Variants in CSMD1 observed in about 807,000 individuals in gnomAD.
The protein encoded by CSMD1 is CUB and Sushi multiple domains 1, also known as CUB and sushi domain-containing protein 1.
Under a neutral mutation model 417.5 loss-of-function variants are expected in CSMD1, and 213 were observed. That is an observed-to-expected ratio of 0.51 (90% CI 0.46 to 0.57). The LOEUF (loss-of-function observed/expected upper bound fraction) is 0.57, where lower values mean the gene tolerates loss of function less well. CSMD1 is among the 20% of genes least tolerant of loss of function. CSMD1 has a pLI of 0.00. For synonymous variants in CSMD1, 2,862 were observed against 1,736.8 expected, an observed-to-expected ratio of 1.65 and a Z score of -16.11; for missense variants, 6,923 against 4,529.7, an observed-to-expected ratio of 1.53 and a Z score of -15.17.
intron 3 of CSMD1, among the ~76,000 whole-genome samples, chr8:4,131,718 G>A (rs935178570): frequency 1.4e-5 from 2 of 147,828 alleles, no homozygotes; most frequent in Non-Finnish European, 3.0e-5. Context: ...TCAGAACAAT[G>A]CAGTTGTTAT....
intron 5 of CSMD1, among the ~76,000 whole-genome samples, chr8:3,878,678 G>C (rs1174807337): frequency 2.6e-5 from 4 of 152,134 alleles, no homozygotes; most frequent in Admixed American, 6.6e-5. Context: ...TATTCAACTA[G>C]TCTGAGTTGC....
chr8:3,653,382 C>A (rs754177438), intron 7 of CSMD1, among the ~76,000 whole-genome samples: 2 of 152,144 alleles, frequency 1.3e-5, no homozygotes, highest in Non-Finnish European at 2.9e-5. Flanking sequence ...GATCTCGGCT[C>A]ATTGCAACCT....
chr8:4,223,397 G>C (rs1441179656), intron 3 of CSMD1, among the ~76,000 whole-genome samples: 1 of 152,226 alleles, frequency 6.6e-6, no homozygotes, highest in Non-Finnish European at 1.5e-5. Context: ...TGCCGCCAAG[G>C]TAAGCAGGAA....
intron 1 of CSMD1, among the ~76,000 whole-genome samples, chr8:4,916,600 G>T (rs918609629): frequency 6.6e-6 from 1 of 152,202 alleles, no homozygotes; most frequent in Non-Finnish European, 1.5e-5. Context: ...GAAAATATCA[G>T]ATCATCCTAC....
At chr8:4,304,025 C>G (rs565158504) in intron 3 of CSMD1, among the ~76,000 whole-genome samples, 73 of 152,208 alleles carry the variant, frequency 4.8e-4, no homozygotes, top group African/African-American at 1.7e-3. Flanking sequence ...ATAAAAGAAC[C>G]AAGAAAGCAG....
intron 20 of CSMD1, among the ~76,000 whole-genome samples, chr8:3,366,262 A>G (rs1809560927): frequency 1.3e-5 from 2 of 152,140 alleles, no homozygotes; most frequent in South Asian, 4.1e-4. Context: ...GCATGCTGGA[A>G]ATGAAGACAC....
chr8:4,363,771 T>G (rs908718697), intron 3 of CSMD1, among the ~76,000 whole-genome samples: 5 of 152,214 alleles, frequency 3.3e-5, no homozygotes, highest in South Asian at 2.1e-4. Flanking sequence ...GGCTGAATAG[T>G]ACTCCACTAT....
intron 5 of CSMD1, among the ~76,000 whole-genome samples, chr8:3,955,372 T>C (rs1039231086): frequency 3.1e-4 from 47 of 152,166 alleles, no homozygotes; most frequent in African/African-American, 1.0e-3. Context: ...CTCATCTTAC[T>C]GGTTCAGAGA....
At chr8:4,041,017 C>CTTTTTT (rs36145371) in intron 3 of CSMD1, among the ~76,000 whole-genome samples, 1 of 100,158 alleles carries the variant, frequency 1.0e-5, no homozygotes. Flanking sequence ...TTTTTTTTTC[C>CTTTTTT]TTTTTTTTTT....
intron 1 of CSMD1, among the ~76,000 whole-genome samples, chr8:4,879,189 G>GAGA (rs1189498143): frequency 2.0e-5 from 3 of 152,184 alleles, no homozygotes; most frequent in Non-Finnish European, 4.4e-5. Context: ...GGCAGGCACA[G>GAGA]AGAGACAGGC....
chr8:4,107,934 C>A (rs777659665), intron 3 of CSMD1, among the ~76,000 whole-genome samples: 4 of 152,068 alleles, frequency 2.6e-5, no homozygotes, highest in Non-Finnish European at 5.9e-5. Flanking sequence ...CAAAGTTTTG[C>A]CCCCTACGGA....
chr8:3,499,899 A>G (rs6998820), intron 10 of CSMD1, among the ~76,000 whole-genome samples: 115,347 of 151,940 alleles, frequency 0.76, 43,911 homozygotes, highest in Middle Eastern at 0.84. Context: ...TGAGGCCCAG[A>G]GAACAAGAGA....
At chr8:3,631,120 C>T (rs1796761540) in intron 7 of CSMD1, among the ~76,000 whole-genome samples, 1 of 152,200 alleles carries the variant, frequency 6.6e-6, no homozygotes. Context: ...CAGGTATCAG[C>T]TCAGATGTCA....
At chr8:3,983,255 C>A (rs894600430) in intron 5 of CSMD1, among the ~76,000 whole-genome samples, 1 of 151,766 alleles carries the variant, frequency 6.6e-6, no homozygotes, top group African/African-American at 2.4e-5. Flanking sequence ...CTCAGCCTCC[C>A]GAGTAGCTGG....
At chr8:3,270,046 CTTTT>C (rs200994813) in intron 26 of CSMD1, among the ~76,000 whole-genome samples, 4 of 118,384 alleles carry the variant, frequency 3.4e-5, no homozygotes, top group Admixed American at 9.8e-5. Context: ...CTAACCTCTT[CTTTT>C]TTTTTTTTTT....
chr8:3,535,127 T>TA (rs1798140902), intron 10 of CSMD1, among the ~76,000 whole-genome samples: 2 of 151,172 alleles, frequency 1.3e-5, no homozygotes, highest in Non-Finnish European at 2.9e-5. Context: ...TTTTTTTTTT[T>TA]AATTTATATA....
intron 3 of CSMD1, among the ~76,000 whole-genome samples, chr8:4,331,002 C>A (rs748831330): frequency 1.3e-5 from 2 of 152,096 alleles, no homozygotes; most frequent in African/African-American, 2.4e-5. Context: ...TGTTACTGTG[C>A]CGTAAGTTCT....
chr8:4,596,191 G>C lies in CSMD1; in HGVS notation c.302+41151C>G, dbSNP rs186297690. Among the ~76,000 whole-genome samples the C allele has an allele frequency of 2.8e-4, 43 of 152,244 alleles. No individual in the cohort carries two copies. In the East Asian group the frequency reaches 7.5e-3, roughly 27 times the overall value. Reference sequence around the variant, plus strand: ...AATAATATATACCCACTGACATCAAGTAAGTTTGGTTTTGGTAGGAGAACT... The same window carrying C: ...AATAATATATACCCACTGACATCAACTAAGTTTGGTTTTGGTAGGAGAACT... On this transcript the variant is annotated intron_variant, in intron 2 of 69. Coordinates refer to ENST00000635120, the MANE Select transcript of CSMD1 (RefSeq NM_033225.6).
chr8:4,535,379 T>C (rs1412210257), intron 2 of CSMD1, among the ~76,000 whole-genome samples: 6 of 152,204 alleles, frequency 3.9e-5, no homozygotes, highest in African/African-American at 1.4e-4. Context: ...AATAACAAGT[T>C]ACTTTTGTAG....
Sources: gnomAD v4.1 joint callset for allele counts (sites outside exome capture counted in the v4.1 genomes callset) on GRCh38, gnomAD v4.1.1 for gene constraint, MANE v1.5 for transcripts, NCBI Gene and HGNC (gene_info 2026-07-23, HGNC 2026-07-21) for gene names.